HNRNPC: variants seen among roughly 807,000 people sequenced by gnomAD.
HNRNPC encodes heterogeneous nuclear ribonucleoproteins C1/C2.
HNRNPC carries 3 observed loss-of-function variants against 33.2 expected under a neutral mutation model. That is an observed-to-expected ratio of 0.09 (90% CI 0.04 to 0.23). The LOEUF is 0.23. Among genes scored for constraint, HNRNPC ranks in the 10% least tolerant of loss-of-function variants. The pLI, the probability that HNRNPC is intolerant of heterozygous loss-of-function variation, is 1.00. For missense variants in HNRNPC, 143 were observed against 366.7 expected (o/e 0.39, Z 4.98); for synonymous variants, 121 against 126.7 (o/e 0.96, Z 0.30).
chr14:21,250,427 C>A (rs1896504409), intron 2 of HNRNPC, among the ~76,000 whole-genome samples: 1 of 152,022 alleles, frequency 6.6e-6, no homozygotes, highest in Admixed American at 6.6e-5. Flanking sequence ...TTAAAACACT[C>A]AAGGAAAAAA....
chr14:21,213,063 T>C lies in HNRNPC; in HGVS notation c.420A>G (p.Val140=), dbSNP rs376369741. The change falls in exon 6 of 9, where the codon GTA becomes GTG. Residue 140 remains valine (V), a synonymous_variant. Transcript: ENST00000553300. ...VPPPPPIARA[V]VPSKRQRVSG... ...ATACACGCTGACGTTTCGAGGGCAC[T>C]ACAGCCCGAGCAATAGGAGGAGGAG... The C allele has an allele frequency of 5.6e-6, 9 of 1,613,958 alleles. No homozygotes were observed. The highest frequency in any genetic ancestry group is 7.6e-6 in the Non-Finnish European group (9 of 1,179,934).
chr14:21,230,535 A>T (rs1893993553), intron 4 of HNRNPC, 169 bp from the exon 5 acceptor site: 1 of 575,320 alleles, frequency 1.7e-6, no homozygotes, highest in Admixed American at 3.3e-5. Context: ...CAATCACCTT[A>T]GACCACTGGA....
At chr14:21,233,868 A>G (rs555598654) in intron 3 of HNRNPC, 85 bp downstream of exon 3, 1 of 1,474,120 alleles carries the variant, frequency 6.8e-7, no homozygotes, top group Non-Finnish European at 9.2e-7. Flanking sequence ...TCATGCTGTC[A>G]GTTTTACAGA....
Position 21,211,908 on chromosome 14 carries a change from A to C in HNRNPC, c.539T>G (p.Leu180Arg). ...GGTCAGCTCCTTCTTAATGGCCTGA[A>C]GGTCATCTCCTTTCACTTTAATATA... ...SKSGKLKGDD[L>R]QAIKKELTQI... Residue 180 changes from leucine (L) to arginine (R), a missense_variant, in exon 7 of 9, where the codon CTT becomes CGT. Coordinates refer to ENST00000553300, the MANE Select transcript of HNRNPC (RefSeq NM_004500.4). 1 of 1,612,570 alleles carries C rather than the reference A, an allele frequency of 6.2e-7. No homozygotes were observed.
chr14:21,218,779 C>A (rs375853972), intron 5 of HNRNPC, among the ~76,000 whole-genome samples: 1 of 148,388 alleles, frequency 6.7e-6, no homozygotes, highest in Non-Finnish European at 1.5e-5. Context: ...GCAGGCAGAT[C>A]GCTTGAGCCC....
intron 5 of HNRNPC, among the ~76,000 whole-genome samples, chr14:21,219,463 C>CT: frequency 6.6e-6 from 1 of 152,280 alleles, no homozygotes; most frequent in East Asian, 1.9e-4. Context: ...CAGTACCTAC[C>CT]TTTGTCAAAG....
At chr14:21,261,363 G>T (rs530453264) in intron 2 of HNRNPC, among the ~76,000 whole-genome samples, 6 of 152,172 alleles carry the variant, frequency 3.9e-5, no homozygotes, top group Non-Finnish European at 5.9e-5. Flanking sequence ...CAGCAGCAAA[G>T]AAGAAAAAAT....
intron 2 of HNRNPC, among the ~76,000 whole-genome samples, chr14:21,241,490 TTTC>T (rs1434600164): frequency 6.6e-6 from 1 of 152,224 alleles, no homozygotes; most frequent in Non-Finnish European, 1.5e-5. Flanking sequence ...TCATTCACAA[TTTC>T]TTAAGTTTCT....
intron 2 of HNRNPC, among the ~76,000 whole-genome samples, chr14:21,261,305 A>G (rs976561332): frequency 5.3e-5 from 8 of 152,202 alleles, no homozygotes; most frequent in Non-Finnish European, 7.3e-5. Context: ...TAGAATTAAC[A>G]AGGAATAAAT....
At chr14:21,250,988 G>A (rs1029499886) in intron 2 of HNRNPC, among the ~76,000 whole-genome samples, 1 of 152,124 alleles carries the variant, frequency 6.6e-6, no homozygotes, top group African/African-American at 2.4e-5. Flanking sequence ...CCGGCCGGGC[G>A]CGGTGGCTCA....
chr14:21,262,502 C>T (rs898206994), intron 2 of HNRNPC: 14 of 152,286 alleles, frequency 9.2e-5, no homozygotes, highest in African/African-American at 3.4e-4. Flanking sequence ...AAGTTTCAAA[C>T]ACTTCCAGAT....
intron 2 of HNRNPC, among the ~76,000 whole-genome samples, chr14:21,243,397 T>C (rs1039097931): frequency 6.6e-6 from 1 of 151,996 alleles, no homozygotes; most frequent in Non-Finnish European, 1.5e-5. Flanking sequence ...ATCCGAAGAG[T>C]GGGGCTTACA....
At chr14:21,260,901 T>C (rs1223218755) in intron 2 of HNRNPC, among the ~76,000 whole-genome samples, 1 of 146,134 alleles carries the variant, frequency 6.8e-6, no homozygotes, top group Admixed American at 7.0e-5. Context: ...AGGTGGAGGT[T>C]GCAGTGACCC....
chr14:21,262,966 C>T (rs1452671237), intron 2 of HNRNPC: 1 of 152,064 alleles, frequency 6.6e-6, no homozygotes, highest in African/African-American at 2.4e-5. Context: ...ATAGACTTAA[C>T]AGCCAGTAAA....
At chr14:21,243,111 G>C (rs185447912) in intron 2 of HNRNPC, among the ~76,000 whole-genome samples, 1,994 of 152,002 alleles carry the variant, frequency 0.013, 29 homozygotes, top group Non-Finnish European at 0.018. Flanking sequence ...AAGGAGAGGT[G>C]GGGGGGTGGG....
chr14:21,241,613 C>T (rs192273974), intron 2 of HNRNPC, among the ~76,000 whole-genome samples: 99 of 152,212 alleles, frequency 6.5e-4, no homozygotes, highest in African/African-American at 2.2e-3. Context: ...GTCCGGCTAC[C>T]CTATCCCACA....
rs187713068 is a variant in HNRNPC at position 21,237,854 on chromosome 14, C to T, written c.-36-3625G>A. On this transcript the variant is annotated intron_variant, in intron 2 of 8. Transcript: ENST00000553300. ...TGGAGCAATCTTGGCTCACTGCAAC[C>T]TACGCCTCCCTGTTCCAAGTGATTC... is the stretch of plus-strand genomic sequence containing the variant. Among the ~76,000 whole-genome samples the T allele has an allele frequency of 7.2e-3, 1,100 of 151,972 alleles. 4 individuals carry two copies. The highest frequency in any genetic ancestry group is 9.8e-3 in the Non-Finnish European group (669 of 67,994).
chr14:21,243,676 A>T (rs999196820), intron 2 of HNRNPC, among the ~76,000 whole-genome samples: 10 of 152,366 alleles, frequency 6.6e-5, no homozygotes, highest in African/African-American at 2.4e-4. Context: ...AATAAAAGGT[A>T]TCAAGCAATG....
At chr14:21,231,544 T>C (rs560670810) in intron 3 of HNRNPC, 2 of 383,038 alleles carry the variant, frequency 5.2e-6, no homozygotes, top group East Asian at 7.3e-5. Flanking sequence ...GGTCACGTGA[T>C]CTGCCTTGAC....
Sources: allele counts gnomAD v4.1 joint callset (sites outside exome capture counted in the v4.1 genomes callset), GRCh38; gene constraint gnomAD v4.1.1; transcripts MANE v1.5; gene names NCBI Gene and HGNC (gene_info 2026-07-23, HGNC 2026-07-21).